Variants in TMEM164 observed in about 807,000 individuals in gnomAD.
TMEM164 encodes RP13-360B22.2.
TMEM164 carries 4 observed loss-of-function variants against 18.8 expected under a neutral mutation model. The ratio of observed to expected loss-of-function variants is 0.21; its 90% confidence interval spans 0.10 to 0.49. The LOEUF (loss-of-function observed/expected upper bound fraction) is 0.49, where lower values mean the gene tolerates loss of function less well. TMEM164 is among the 20% of genes least tolerant of loss of function. The pLI is 0.98. For synonymous variants in TMEM164, 86 were observed against 101.7 expected (o/e 0.85, Z 0.93); for missense variants, 108 against 239.9 (o/e 0.45, Z 3.63).
chrX:110,139,366 G>A (rs1322986364), intron 4 of TMEM164, among the ~76,000 whole-genome samples: 1 of 111,112 alleles, frequency 9.0e-6, no homozygotes, highest in Non-Finnish European at 1.9e-5. Flanking sequence ...GCTTATGCAT[G>A]TTATCTTCTA....
rs571843841 is a variant in TMEM164 at position 110,070,488 on chromosome X, T to C, written c.440+3092T>C. Among the ~76,000 whole-genome samples, 22 of 111,887 alleles carry C rather than the reference T, an allele frequency of 2.0e-4. 1 individual carries two copies. The South Asian group carries it at 8.2e-3, about 41-fold the overall frequency. On this transcript the variant is annotated intron_variant, in intron 3 of 6. Coordinates refer to ENST00000372068, the MANE Select transcript of TMEM164 (RefSeq NM_032227.4). ...TATATGGCTCCTTTTATCTAAGAAA[T>C]GGTATTTCTTTCCATCTGTTCACGT...
At chrX:110,073,177 A>C (rs1237989786) in intron 3 of TMEM164, among the ~76,000 whole-genome samples, 2 of 111,046 alleles carry the variant, frequency 1.8e-5, no homozygotes, top group East Asian at 2.8e-4. Flanking sequence ...GACTACAGGC[A>C]CTAGCTGTGA....
chrX:110,105,687 C>G (rs758074570), intron 3 of TMEM164, among the ~76,000 whole-genome samples: 5 of 95,958 alleles, frequency 5.2e-5, no homozygotes, highest in Non-Finnish European at 8.2e-5. Context: ...CAGACACACA[C>G]ACACACACAC....
At chrX:110,047,314 A>T (rs1430917064) in intron 2 of TMEM164, among the ~76,000 whole-genome samples, 4 of 112,266 alleles carry the variant, frequency 3.6e-5, no homozygotes, top group Admixed American at 2.8e-4. Flanking sequence ...TAACACTCAA[A>T]CATTTGTTGA....
At chrX:110,112,275 G>A (rs1167778608) in intron 4 of TMEM164, among the ~76,000 whole-genome samples, 4 of 111,798 alleles carry the variant, frequency 3.6e-5, no homozygotes, top group Non-Finnish European at 7.5e-5. Context: ...GGAGATTGCA[G>A]TGAGCCGAGA....
rs144828479 is a variant in TMEM164 at position 110,077,409 on chromosome X, A to G, written c.440+10013A>G. Among the ~76,000 whole-genome samples the G allele has an allele frequency of 4.5e-3, 499 of 111,699 alleles. 2 individuals carry two copies. Among genetic ancestry groups the G allele is most frequent in the South Asian group, 0.038 (101 of 2,676 alleles). ...AGTTAGGTCTTGGTTGTTTTTATCCATCTTGCCACTCTGTGCCCTTTCAGT... is the reference window on the plus strand; with the variant it reads ...AGTTAGGTCTTGGTTGTTTTTATCCGTCTTGCCACTCTGTGCCCTTTCAGT... On this transcript the variant is annotated intron_variant, in intron 3 of 6. Transcript: ENST00000372068.
chrX:110,110,412 CCTTAT>C (rs1306317270), intron 4 of TMEM164, among the ~76,000 whole-genome samples: 5 of 111,918 alleles, frequency 4.5e-5, no homozygotes, highest in African/African-American at 1.6e-4. Flanking sequence ...ACTGTACGTA[CCTTAT>C]AAGTACCCAC....
intron 2 of TMEM164, among the ~76,000 whole-genome samples, chrX:110,010,543 G>A (rs1932951834): frequency 8.9e-6 from 1 of 112,285 alleles, no homozygotes; most frequent in African/African-American, 3.2e-5. Flanking sequence ...TTCTGAGCAG[G>A]TCTAGGGTGA....
At chrX:110,078,428 A>C (rs757517627) in intron 3 of TMEM164, among the ~76,000 whole-genome samples, 34 of 112,265 alleles carry the variant, frequency 3.0e-4, no homozygotes, top group African/African-American at 1.0e-3. Context: ...CTTGCCATCC[A>C]GATTCTGAAT....
At chrX:110,042,309 C>A (rs950797504) in intron 2 of TMEM164, among the ~76,000 whole-genome samples, 1 of 111,300 alleles carries the variant, frequency 9.0e-6, no homozygotes, top group Admixed American at 9.6e-5. Flanking sequence ...TTATGTCTGG[C>A]TTGTTTTACT....
At chrX:110,078,079 C>T (rs1439610234) in intron 3 of TMEM164, among the ~76,000 whole-genome samples, 2 of 112,295 alleles carry the variant, frequency 1.8e-5, no homozygotes, top group Non-Finnish European at 3.8e-5. Context: ...GTTTCCTTCT[C>T]TCTCAGGAAT....
intron 3 of TMEM164, among the ~76,000 whole-genome samples, chrX:110,078,173 T>C (rs2065700478): frequency 8.9e-6 from 1 of 112,242 alleles, no homozygotes; most frequent in Non-Finnish European, 1.9e-5. Context: ...CTTTTTTCTT[T>C]ATTCTTGTCT....
At position 110,108,068 on chromosome X, in the gene TMEM164, CTGTGTGTGTGTGTGTGTG is replaced by C. The variant is rs56714507; in HGVS notation, c.441-971_441-954del. Among the ~76,000 whole-genome samples the C allele has an allele frequency of 1.1e-3, 49 of 46,379 alleles. 1 individual carries two copies. The highest frequency in any genetic ancestry group is 5.8e-3 in the South Asian group (3 of 513). The allele number at this position is 46,379 out of a possible 115,157, so 40.3% of individuals were successfully genotyped here. A position where few individuals can be genotyped will look rare whatever the true frequency, so the allele number is the denominator to read the frequency against. On this transcript the variant is annotated intron_variant, in intron 3 of 6. Coordinates refer to ENST00000372068, the MANE Select transcript of TMEM164 (RefSeq NM_032227.4). ...TCCCAGCCAGGGCATAGGAGGTATGCTGTGTGTGTGTGTGTGTGTGTGTGTGTGTGTGTGTGTGTGTGT... is the reference window on the plus strand; with the variant it reads ...TCCCAGCCAGGGCATAGGAGGTATGCTGTGTGTGTGTGTGTGTGTGTGTGT...
intron 4 of TMEM164, among the ~76,000 whole-genome samples, chrX:110,132,633 C>T (rs1260691682): frequency 1.8e-5 from 2 of 111,794 alleles, no homozygotes; most frequent in Non-Finnish European, 3.8e-5. Flanking sequence ...TTGTTTTACT[C>T]ATCATTATAT....
chrX:110,168,671 G>A (rs925868268), intron 5 of TMEM164, among the ~76,000 whole-genome samples: 2 of 112,553 alleles, frequency 1.8e-5, no homozygotes, highest in Admixed American at 9.3e-5. Flanking sequence ...CCCAGCCCTG[G>A]TCCCCACTTT....
chrX:110,077,525 C>CGATTGTGTA (rs2065690258), intron 3 of TMEM164, among the ~76,000 whole-genome samples: 1 of 111,411 alleles, frequency 9.0e-6, no homozygotes, highest in African/African-American at 3.3e-5. Context: ...TTTGTAGTCT[C>CGATTGTGTA]GATTGTGTAG....
At chrX:110,112,629 G>A (rs929754172) in intron 4 of TMEM164, among the ~76,000 whole-genome samples, 1 of 112,111 alleles carries the variant, frequency 8.9e-6, no homozygotes, top group African/African-American at 3.2e-5. Context: ...TTTAATCGTT[G>A]CAATAAACTT....
intron 3 of TMEM164, among the ~76,000 whole-genome samples, chrX:110,094,559 A>G (rs946531633): frequency 3.6e-5 from 4 of 110,942 alleles, no homozygotes; most frequent in African/African-American, 1.3e-4. Flanking sequence ...CTTTATTTTG[A>G]TCCTGTGTCT....
chrX:110,120,363 T>G (rs777527741), intron 4 of TMEM164, among the ~76,000 whole-genome samples: 19 of 112,404 alleles, frequency 1.7e-4, no homozygotes, highest in Non-Finnish European at 3.6e-4. Flanking sequence ...ATCTAGTGAG[T>G]GCTTCCACTC....
Sources: gnomAD v4.1 joint callset for allele counts (sites outside exome capture counted in the v4.1 genomes callset) on GRCh38, gnomAD v4.1.1 for gene constraint, MANE v1.5 for transcripts, NCBI Gene and HGNC (gene_info 2026-07-23, HGNC 2026-07-21) for gene names.